Variants in RPS6KA6 observed in about 807,000 individuals in gnomAD.
RPS6KA6 encodes the protein ribosomal protein S6 kinase A6.
Under a neutral mutation model 65.4 loss-of-function variants are expected in RPS6KA6, and 27 were observed. The ratio of observed to expected loss-of-function variants is 0.41; its 90% CI spans 0.30 to 0.57. The LOEUF is 0.57. RPS6KA6 is among the 20% of genes least tolerant of loss of function. The pLI is 0.24. For synonymous variants in RPS6KA6, 190 were observed against 184.2 expected, an observed-to-expected ratio of 1.03 and a Z score of -0.26; for missense variants, 486 against 555.6, an observed-to-expected ratio of 0.87 and a Z score of 1.26.
intron 20 of RPS6KA6, among the ~76,000 whole-genome samples, chrX:84,094,133 A>T (rs926659687): frequency 9.1e-6 from 1 of 109,859 alleles, no homozygotes. Flanking sequence ...TGAAGCCAAC[A>T]AATTGCTTTA....
intron 1 of RPS6KA6, among the ~76,000 whole-genome samples, chrX:84,181,116 T>C (rs1569246908): frequency 9.0e-6 from 1 of 111,641 alleles, no homozygotes. Context: ...TTGTATTGGG[T>C]GTTTAAATTG....
chrX:84,067,139 C>T (rs2033422285), intron 20 of RPS6KA6, among the ~76,000 whole-genome samples: 1 of 111,983 alleles, frequency 8.9e-6, no homozygotes, highest in South Asian at 3.7e-4. Flanking sequence ...CCTCTAACAT[C>T]GAAGGCAGAT....
chrX:84,167,354 T>C (rs2035613686), intron 1 of RPS6KA6, among the ~76,000 whole-genome samples: 1 of 112,107 alleles, frequency 8.9e-6, no homozygotes, highest in Non-Finnish European at 1.9e-5. Flanking sequence ...TTTTTACTCA[T>C]CAATAAAAAG....
At chrX:84,116,322 AT>A (rs201497249) in intron 11 of RPS6KA6, 35 bp from the exon 12 acceptor site, 45 of 888,972 alleles carry the variant, frequency 5.1e-5, no homozygotes, top group East Asian at 1.1e-4. Flanking sequence ...TATTTTTATG[AT>A]TTTTTTTAGT....
At chrX:84,166,956 T>G (rs1276003725) in intron 1 of RPS6KA6, among the ~76,000 whole-genome samples, 1 of 111,086 alleles carries the variant, frequency 9.0e-6, no homozygotes, top group Non-Finnish European at 1.9e-5. Context: ...TCAAGATAAA[T>G]AATGGCTGAA....
chrX:84,074,754 C>T (rs188025979), intron 20 of RPS6KA6, among the ~76,000 whole-genome samples: 4 of 111,004 alleles, frequency 3.6e-5, no homozygotes, highest in East Asian at 2.8e-4. Flanking sequence ...TAAAATTCAC[C>T]GTATTTGGTA....
At position 84,058,828 on chromosome X, in the gene RPS6KA6, A is replaced by C. The variant is rs866357722; in HGVS notation, c.*5449T>G. ...ATGTCAGTATATACATATATATTTA[A>C]TATCAGAAATAAGTTTAGGAATTCA... On this transcript the variant is annotated 3_prime_UTR_variant, in exon 22 of 22. Coordinates refer to ENST00000262752, the MANE Select transcript of RPS6KA6 (RefSeq NM_014496.5). 4.5e-5 allele frequency: 5 copies of C among 111,062 alleles called. No individual in the cohort carries two copies. The highest frequency in any genetic ancestry group is 1.3e-4 in the African/African-American group (4 of 30,561). 9.2% of individuals were successfully genotyped at this position (111,062 alleles called of 1,213,427 possible).
intron 6 of RPS6KA6, among the ~76,000 whole-genome samples, chrX:84,143,767 C>T (rs2035148915): frequency 9.0e-6 from 1 of 111,180 alleles, no homozygotes; most frequent in African/African-American, 3.3e-5. Flanking sequence ...AGGACTCGCA[C>T]TGCCTCACTT....
At chrX:84,152,044 GAAGA>G (rs913995708) in intron 3 of RPS6KA6, among the ~76,000 whole-genome samples, 10 of 111,266 alleles carry the variant, frequency 9.0e-5, no homozygotes, top group Admixed American at 3.8e-4. Context: ...GGCAAGCAAG[GAAGA>G]AAGAAAGAGT....
At chrX:84,146,954 AAAG>A (rs751312382) in intron 5 of RPS6KA6, 21 bp downstream of exon 5, 61 of 882,708 alleles carry the variant, frequency 6.9e-5, no homozygotes, top group Admixed American at 1.7e-4. Context: ...AAAATAAATA[AAAG>A]AATAAAAAAA....
chrX:84,060,537 T>C lies in RPS6KA6; in HGVS notation c.*3740A>G, dbSNP rs1213647340. ...GGTCATGTACTGTGAGAAACAAGAA[T>C]ACAAAACTATGGGTTTAAAAACAAC... On this transcript the variant is annotated 3_prime_UTR_variant, in exon 22 of 22. Coordinates refer to ENST00000262752, the MANE Select transcript of RPS6KA6 (RefSeq NM_014496.5). 2.7e-5 allele frequency: 3 copies of C among 109,394 alleles called. No homozygotes were observed. The East Asian group carries it at 8.6e-4, about 31-fold the overall frequency. 9.0% of individuals were successfully genotyped at this position (109,394 alleles called of 1,213,427 possible).
chrX:84,136,436 G>A (rs1044297197), intron 6 of RPS6KA6, among the ~76,000 whole-genome samples: 13 of 110,892 alleles, frequency 1.2e-4, no homozygotes, highest in African/African-American at 4.2e-4. Context: ...ATGATGAATA[G>A]AAAAACAAAG....
At chrX:84,128,339 G>A (rs908709439) in intron 8 of RPS6KA6, among the ~76,000 whole-genome samples, 1 of 111,079 alleles carries the variant, frequency 9.0e-6, no homozygotes, top group Non-Finnish European at 1.9e-5. Context: ...ACTAAAATGA[G>A]GCAAGAAATT....
intron 20 of RPS6KA6, among the ~76,000 whole-genome samples, chrX:84,067,410 A>C (rs767722076): frequency 2.8e-4 from 31 of 111,609 alleles, no homozygotes; most frequent in Non-Finnish European, 5.6e-4. Flanking sequence ...TAACTAGAAT[A>C]ACCAGTTTAG....
intron 20 of RPS6KA6, among the ~76,000 whole-genome samples, chrX:84,083,582 T>C (rs1253450727): frequency 8.9e-6 from 1 of 112,687 alleles, no homozygotes; most frequent in African/African-American, 3.2e-5. Context: ...TAGTATTCCA[T>C]GGTATATATG....
At chrX:84,156,452 G>T (rs950067404) in intron 2 of RPS6KA6, among the ~76,000 whole-genome samples, 2 of 110,741 alleles carry the variant, frequency 1.8e-5, no homozygotes, top group Non-Finnish European at 3.8e-5. Flanking sequence ...TTCCAGCTTG[G>T]TAGCAATATA....
intron 6 of RPS6KA6, among the ~76,000 whole-genome samples, chrX:84,141,622 T>C (rs903853244): frequency 2.7e-5 from 3 of 111,277 alleles, no homozygotes; most frequent in Admixed American, 1.9e-4. Context: ...CTTCCTTAAG[T>C]ACCACACATT....
chrX:84,088,390 G>C (rs753206850), intron 20 of RPS6KA6, among the ~76,000 whole-genome samples: 1 of 111,845 alleles, frequency 8.9e-6, no homozygotes, highest in Non-Finnish European at 1.9e-5. Context: ...AGCTGCTGTG[G>C]TTTGCTGGGG....
In RPS6KA6 at chrX:84,187,998, C is replaced by G; in HGVS notation, c.-99G>C. On this transcript the variant is annotated 5_prime_UTR_variant, in exon 1 of 22. Coordinates refer to ENST00000262752, the MANE Select transcript of RPS6KA6 (RefSeq NM_014496.5). ...GGCCCGCCGCCGCCGCCGCCGCCGC[C>G]GCCGCCGCCGCGACCCCCAGCCCCG... The G allele has an allele frequency of 7.0e-6, 4 of 572,104 alleles. No individual in the cohort carries two copies. The highest frequency in any genetic ancestry group is 7.0e-6 in the Non-Finnish European group (3 of 428,993). 47.1% of individuals were successfully genotyped at this position (572,104 alleles called of 1,213,427 possible). A position where few individuals can be genotyped will look rare whatever the true frequency, so the allele number is the denominator to read the frequency against.
Sources: allele counts gnomAD v4.1 joint callset (sites outside exome capture counted in the v4.1 genomes callset), GRCh38; gene constraint gnomAD v4.1.1; transcripts MANE v1.5; gene names NCBI Gene and HGNC (gene_info 2026-07-23, HGNC 2026-07-21).